RMI1: variants seen among roughly 807,000 people sequenced by gnomAD.
RMI1 encodes recQ-mediated genome instability protein 1.
RMI1 carries 36 observed loss-of-function variants against 46.7 expected under a neutral mutation model. The ratio of observed to expected loss-of-function variants is 0.77; its 90% CI spans 0.59 to 1.02. The LOEUF is 1.02. Ranked by LOEUF, RMI1 falls within the 50% of genes least tolerant of loss-of-function variation. RMI1 has a pLI of 0.00. For missense variants in RMI1, 676 were observed against 713.7 expected (o/e 0.95, Z 0.60); for synonymous variants, 250 against 252.9 (o/e 0.99, Z 0.11).
At chr9:83,996,110 G>A (rs1051597757) in intron 1 of RMI1, among the ~76,000 whole-genome samples, 1 of 152,130 alleles carries the variant, frequency 6.6e-6, no homozygotes, top group Non-Finnish European at 1.5e-5. Flanking sequence ...TTTTTCCTGT[G>A]TGTGTTTTAC....
chr9:83,989,665 G>GGC (rs1554705236), intron 1 of RMI1, among the ~76,000 whole-genome samples: 2 of 11,062 alleles, frequency 1.8e-4, no homozygotes, highest in Non-Finnish European at 3.6e-4. Context: ...CTATCAAAAA[G>GGC]ACAAAAAAAA....
chr9:84,003,276 CT>C lies in RMI1; in HGVS notation c.*413del. On this transcript the variant is annotated 3_prime_UTR_variant, in exon 3 of 3. Transcript: ENST00000445877. ...CTATGTTGCCCAGATTGGTCTCAAA[CT>C]CCTGGCCTCTCACTCCTGCCGTCAT... 1 of 167,700 alleles carries C rather than the reference CT, an allele frequency of 6.0e-6. No individual in the cohort carries two copies. The allele number at this position is 167,700 out of a possible 1,614,324, so 10.4% of individuals were successfully genotyped here. A position where few individuals can be genotyped will look rare whatever the true frequency, so the allele number is the denominator to read the frequency against.
chr9:83,997,811 T>A (rs78072992), intron 1 of RMI1, among the ~76,000 whole-genome samples: 1 of 151,718 alleles, frequency 6.6e-6, no homozygotes. Flanking sequence ...TTTTTTTTTT[T>A]CTGAGAGACA....
chr9:83,986,822 A>G (rs1037031769), intron 1 of RMI1, among the ~76,000 whole-genome samples: 1 of 152,190 alleles, frequency 6.6e-6, no homozygotes, highest in Non-Finnish European at 1.5e-5. Flanking sequence ...TTCATAACCA[A>G]TCAGTCTTCT....
In RMI1 at chr9:83,996,089, C is replaced by T. The variant is rs1411257854; in HGVS notation, c.-125-3620C>T. ...ATTATAATTTTGGCTTGCAGGCTCA[C>T]GTTGGATTGTTTTTTCCTGTGTGTG... On this transcript the variant is annotated intron_variant, in intron 1 of 2. Coordinates refer to ENST00000445877, the MANE Select transcript of RMI1 (RefSeq NM_001358291.2). Among the ~76,000 whole-genome samples, 10 of 152,114 alleles carry T rather than the reference C, an allele frequency of 6.6e-5. No homozygotes were observed. The East Asian group carries it at 1.2e-3, about 18-fold the overall frequency.
intron 1 of RMI1, among the ~76,000 whole-genome samples, chr9:83,999,135 T>C (rs1014186540): frequency 9.3e-5 from 14 of 151,338 alleles, no homozygotes; most frequent in African/African-American, 2.9e-4. Context: ...AGCAAGACTC[T>C]GTCTCAAAAA....
chr9:83,993,122 CTT>C (rs1957598002), intron 1 of RMI1: 1 of 151,142 alleles, frequency 6.6e-6, no homozygotes, highest in Non-Finnish European at 1.5e-5. Flanking sequence ...TTATCTATAA[CTT>C]TTTCATCTTG....
At chr9:83,989,123 T>C (rs1957531818) in intron 1 of RMI1, among the ~76,000 whole-genome samples, 1 of 152,216 alleles carries the variant, frequency 6.6e-6, no homozygotes, top group Non-Finnish European at 1.5e-5. Flanking sequence ...TCTCCCAAAG[T>C]GCCAGGCTTA....
intron 1 of RMI1, among the ~76,000 whole-genome samples, chr9:83,996,001 C>T (rs150537576): frequency 1.3e-5 from 2 of 152,206 alleles, no homozygotes; most frequent in African/African-American, 4.8e-5. Flanking sequence ...ATTTAAAAAA[C>T]TGTCTTCAGG....
At chr9:83,998,527 G>A (rs1193665088) in intron 1 of RMI1, among the ~76,000 whole-genome samples, 1 of 152,192 alleles carries the variant, frequency 6.6e-6, no homozygotes, top group Non-Finnish European at 1.5e-5. Flanking sequence ...TTGTTTAGAG[G>A]CAGTGATAAG....
intron 2 of RMI1, 106 bp from the exon 3 acceptor site, chr9:84,000,843 GAA>G: frequency 1.7e-6 from 1 of 601,954 alleles, no homozygotes; most frequent in Admixed American, 3.1e-5. Context: ...GTAAGATGCT[GAA>G]GAGTGAAAAA....
chr9:84,001,882 C>A lies in RMI1; in HGVS notation c.896C>A (p.Pro299Gln). The change falls in exon 3 of 3, where the codon CCA (proline) becomes CAA (glutamine). Residue 299 changes from proline (P) to glutamine (Q), a missense_variant. Transcript: ENST00000445877. The stretch of plus-strand genomic sequence containing the variant: ...ATTTCTCCAAGACCAAAAGAGGAAC[C>A]ATCAAACCTATCTATACATGTAATG... ...FVISPRPKEE[P>Q]SNLSIHVMDG... 1 of 1,613,984 alleles carries A rather than the reference C, an allele frequency of 6.2e-7. No homozygotes were observed. Among genetic ancestry groups the A allele is most frequent in the Non-Finnish European group, 8.5e-7 (1 of 1,179,954 alleles).
rs1437060140 is a variant in RMI1 at position 84,002,064 on chromosome 9, A to T, written c.1078A>T (p.Asn360Tyr). Residue 360 changes from asparagine to tyrosine, a missense_variant, in exon 3 of 3, where the codon AAT becomes TAT. Transcript: ENST00000445877. ...ATTTTCACATAATCCTAATACTACG[A>T]ATAACTTTTCTTTGACTTGCAAAAA... Reference protein sequence around the residue: ...ERFSHNPNTTNNFSLTCKNGN... With the variant: ...ERFSHNPNTTYNFSLTCKNGN... 1 of 1,613,910 alleles carries T rather than the reference A, an allele frequency of 6.2e-7. No homozygotes were observed. Among genetic ancestry groups the T allele is most frequent in the South Asian group, 1.1e-5 (1 of 91,076 alleles).
intron 1 of RMI1, among the ~76,000 whole-genome samples, chr9:83,999,501 C>A (rs1318571463): frequency 6.6e-6 from 1 of 152,052 alleles, no homozygotes; most frequent in Non-Finnish European, 1.5e-5. Flanking sequence ...AAATACTATA[C>A]CTCCTATCTT....
In RMI1 at chr9:84,001,621, G is replaced by A; in HGVS notation, c.635G>A (p.Gly212Glu). 1 of 1,613,930 alleles carries A rather than the reference G, an allele frequency of 6.2e-7. No individual in the cohort carries two copies. The highest frequency in any genetic ancestry group is 8.5e-7 in the Non-Finnish European group (1 of 1,179,956). ...AQEKVLARLI[G>E]EPDLVVSVIP... ...GAAAAAGTACTTGCAAGATTAATAG[G>A]GGAACCTGATCTTGTAGTTTCAGTC... Residue 212 changes from glycine (G) to glutamate (E), a missense_variant, in exon 3 of 3, where the codon GGG (glycine) becomes GAG (glutamate). By Grantham distance (98) the Gly-to-Glu change is moderately conservative (BLOSUM62 -2). Transcript: ENST00000445877.
chr9:83,985,924 G>T (rs953302762), intron 1 of RMI1, among the ~76,000 whole-genome samples: 1 of 152,144 alleles, frequency 6.6e-6, no homozygotes, highest in Admixed American at 6.6e-5. Context: ...CAGGAGAATG[G>T]CAGGAACCCG....
chr9:83,980,606 C>G (rs1431928085), upstream of RMI1: 1 of 153,172 alleles, frequency 6.5e-6, no homozygotes, highest in Non-Finnish European at 1.5e-5. Context: ...GAGCGCCCTC[C>G]TCCTTTCTCG....
At chr9:83,993,374 T>C (rs1234036094) in intron 1 of RMI1, among the ~76,000 whole-genome samples, 2 of 152,228 alleles carry the variant, frequency 1.3e-5, no homozygotes, top group African/African-American at 4.8e-5. Context: ...GTATATGTTA[T>C]GTTTTGTGTA....
chr9:83,981,813 AT>A (rs1344715338), intron 1 of RMI1, among the ~76,000 whole-genome samples: 1 of 152,230 alleles, frequency 6.6e-6, no homozygotes, highest in African/African-American at 2.4e-5. Flanking sequence ...ATATACCAGC[AT>A]TCTTTTAAAT....
Sources: gnomAD v4.1 joint callset for allele counts (sites outside exome capture counted in the v4.1 genomes callset) on GRCh38, gnomAD v4.1.1 for gene constraint, MANE v1.5 for transcripts, NCBI Gene and HGNC (gene_info 2026-07-23, HGNC 2026-07-21) for gene names.